Variants in UGT1A4 observed in about 807,000 individuals in gnomAD.
UGT1A4 encodes the protein UDP-glucuronosyltransferase 1A4.
Under a neutral mutation model 41.1 loss-of-function variants are expected in UGT1A4, and 32 were observed. That is an observed-to-expected ratio of 0.78 (90% CI 0.59 to 1.05). The LOEUF is 1.05. Among genes scored for constraint, UGT1A4 ranks in the 50% least tolerant of loss-of-function variants. The pLI is 0.00. For synonymous variants in UGT1A4, 283 were observed against 265.1 expected, an observed-to-expected ratio of 1.07 and a Z score of -0.66; for missense variants, 748 against 677.4, an observed-to-expected ratio of 1.10 and a Z score of -1.16.
At chr2:233,756,870 A>C (rs1360096515) in intron 1 of UGT1A4, among the ~76,000 whole-genome samples, 4 of 152,134 alleles carry the variant, frequency 2.6e-5, no homozygotes, top group Admixed American at 2.6e-4. Flanking sequence ...AAAGGGTATT[A>C]GGTGTAATGA....
intron 1 of UGT1A4, chr2:233,729,350 T>A (rs751106111): frequency 2.5e-6 from 4 of 1,614,098 alleles, no homozygotes; most frequent in Non-Finnish European, 3.4e-6. Context: ...GAGAACTTTT[T>A]CACCCTGACA....
rs200729912 is a variant in UGT1A4 at position 233,749,181 on chromosome 2, T to A, written c.868-17853T>A. Among the ~76,000 whole-genome samples, 4 of 151,898 alleles carry A rather than the reference T, an allele frequency of 2.6e-5. No homozygotes were observed. The East Asian group carries it at 7.7e-4, about 29-fold the overall frequency. On this transcript the variant is annotated intron_variant, in intron 1 of 4. Transcript: ENST00000373409. The stretch of plus-strand genomic sequence containing the variant: ...CCTTTTGTATTTTTATTTCTGTACT[T>A]CTTTTTATTAACATAGGTATTATTG...
chr2:233,747,487 T>A lies in UGT1A4; in HGVS notation c.868-19547T>A, dbSNP rs547060406. 1.9e-5 allele frequency: 31 copies of A among 1,608,702 alleles called. 1 individual carries two copies. In the South Asian group the frequency reaches 2.7e-4, roughly 14 times the overall value. On this transcript the variant is annotated intron_variant, in intron 1 of 4. Transcript: ENST00000373409. ...TGGACCCAGGATGAATTTGATCGCC[T>A]TGTGCTGGGCCACACTCAACTGTAC...
intron 1 of UGT1A4, chr2:233,755,162 G>C: frequency 2.3e-6 from 3 of 1,279,936 alleles, no homozygotes; most frequent in Non-Finnish European, 3.2e-6. Context: ...CCCTGTCCTC[G>C]GGGTTTTTGT....
chr2:233,756,342 A>G (rs1696188900), intron 1 of UGT1A4: 1 of 152,190 alleles, frequency 6.6e-6, no homozygotes, highest in Non-Finnish European at 1.5e-5. Flanking sequence ...TCATCTCTTG[A>G]TTACTTTTAC....
intron 1 of UGT1A4, among the ~76,000 whole-genome samples, chr2:233,741,240 A>G (rs530886202): frequency 6.6e-6 from 1 of 152,014 alleles, no homozygotes; most frequent in East Asian, 1.9e-4. Flanking sequence ...CCTCTGAGTG[A>G]CACTGGTATG....
At chr2:233,755,311 C>T (rs1380738778) in intron 1 of UGT1A4, 2 of 555,594 alleles carry the variant, frequency 3.6e-6, no homozygotes, top group South Asian at 1.8e-5. Flanking sequence ...GCACAGCGAG[C>T]GGCAAGGCTG....
rs748979755 is a variant in UGT1A4 at position 233,718,804 on chromosome 2, C to T, written c.-17C>T. 52 of 1,613,118 alleles carry T rather than the reference C, an allele frequency of 3.2e-5. No homozygotes were observed. Among genetic ancestry groups the T allele is most frequent in the African/African-American group, 4.0e-5 (3 of 74,906 alleles). ...CAGCGTGGGGTGGACAGTCAGCTGTCGGTGGCTTCTGCTGAGATGGCCAGA... is the reference window on the plus strand; with the variant it reads ...CAGCGTGGGGTGGACAGTCAGCTGTTGGTGGCTTCTGCTGAGATGGCCAGA... On this transcript the variant is annotated 5_prime_UTR_variant, in exon 1 of 5. Coordinates refer to ENST00000373409, the MANE Select transcript of UGT1A4 (RefSeq NM_007120.3).
At chr2:233,758,796 A>T (rs1025400084) in intron 1 of UGT1A4, among the ~76,000 whole-genome samples, 2 of 152,214 alleles carry the variant, frequency 1.3e-5, no homozygotes, top group African/African-American at 4.8e-5. Flanking sequence ...GTTATCTTGG[A>T]ATTGTATAGT....
intron 1 of UGT1A4, chr2:233,747,188 GTCAGCTGTCCGTGTCT>G: frequency 6.2e-7 from 1 of 1,603,604 alleles, no homozygotes; most frequent in Non-Finnish European, 8.5e-7. Flanking sequence ...GGGGTGGACA[GTCAGCTGTCCGTGTCT>G]TCTGCTGAGA....
chr2:233,769,741 GCCACTC>G lies in UGT1A4; in HGVS notation c.1307+1303_1307+1308del. The G allele has an allele frequency of 6.9e-7, 1 of 1,452,214 alleles. No individual in the cohort carries two copies. Among genetic ancestry groups the G allele is most frequent in the Non-Finnish European group, 9.1e-7 (1 of 1,101,348 alleles). 90.0% of individuals were successfully genotyped at this position (1,452,214 alleles called of 1,614,324 possible). On this transcript the variant is annotated intron_variant, in intron 4 of 4. Coordinates refer to ENST00000373409, the MANE Select transcript of UGT1A4 (RefSeq NM_007120.3). The surrounding 1 kb of genome is among the most constrained non-coding windows in gnomAD (Gnocchi z 4.4). ...ACCATGGCACACGCCTGTAGTCCCA[GCCACTC>G]TGGAGGCTAAGGCGGGAGGATTGCT... is the stretch of plus-strand genomic sequence containing the variant.
intron 1 of UGT1A4, among the ~76,000 whole-genome samples, chr2:233,736,696 G>T (rs2078794869): frequency 6.6e-6 from 1 of 152,182 alleles, no homozygotes. Flanking sequence ...TACAGATGGG[G>T]TTTTGGTGTA....
At chr2:233,742,766 G>T (rs1363291568) in intron 1 of UGT1A4, 4 of 152,980 alleles carry the variant, frequency 2.6e-5, no homozygotes, top group African/African-American at 9.7e-5. Context: ...GATAATAAAT[G>T]CATGTTGTTT....
At chr2:233,732,782 G>A (rs1439304470) in intron 1 of UGT1A4, among the ~76,000 whole-genome samples, 1 of 126,430 alleles carries the variant, frequency 7.9e-6, no homozygotes, top group East Asian at 2.4e-4. Context: ...GCTTAGGATT[G>A]TCTTGGCAAT....
At position 233,769,031 on chromosome 2, in the gene UGT1A4, T is replaced by A. The variant is rs1307617494; in HGVS notation, c.1307+592T>A. ...CAATTTACATAAAAAGTTGCCATAA[T>A]AGACATCTGATCCATAAGTTTCCTG... On this transcript the variant is annotated intron_variant, in intron 4 of 4. Transcript: ENST00000373409. The surrounding 1 kb of genome is among the most constrained non-coding windows in gnomAD (Gnocchi z 4.4). 6.6e-6 allele frequency among the ~76,000 whole-genome samples: 1 copy of A among 152,206 alleles called. No individual in the cohort carries two copies. The highest frequency in any genetic ancestry group is 1.5e-5 in the Non-Finnish European group (1 of 68,040).
chr2:233,743,620 G>A (rs1195950260), intron 1 of UGT1A4: 2 of 1,367,320 alleles, frequency 1.5e-6, no homozygotes, highest in Non-Finnish European at 2.0e-6. Flanking sequence ...ACTCCCTGAA[G>A]ACGTCGGCTG....
At chr2:233,763,134 A>G (rs1698246018) in intron 1 of UGT1A4, among the ~76,000 whole-genome samples, 1 of 152,210 alleles carries the variant, frequency 6.6e-6, no homozygotes, top group African/African-American at 2.4e-5. Flanking sequence ...GCATTTATTG[A>G]TATAACCATA....
At chr2:233,720,118 G>C (rs1261428456) in intron 1 of UGT1A4, among the ~76,000 whole-genome samples, 1 of 152,216 alleles carries the variant, frequency 6.6e-6, no homozygotes, top group African/African-American at 2.4e-5. Flanking sequence ...GAAAGATACA[G>C]AGGTGACCAC....
At chr2:233,742,511 A>C (rs1428333329) in intron 1 of UGT1A4, among the ~76,000 whole-genome samples, 6 of 151,858 alleles carry the variant, frequency 4.0e-5, no homozygotes, top group Non-Finnish European at 2.9e-5. Flanking sequence ...TATCATGAAC[A>C]CGTCACAGTG....
Sources: gnomAD v4.1 joint callset for allele counts (sites outside exome capture counted in the v4.1 genomes callset) on GRCh38, gnomAD v4.1.1 for gene constraint, Gnocchi (gnomAD v3.1) non-coding constraint, MANE v1.5 for transcripts, NCBI Gene and HGNC (gene_info 2026-07-23, HGNC 2026-07-21) for gene names.